LPCAT2: variants seen among roughly 807,000 people sequenced by gnomAD.
LPCAT2 encodes 1-AGP acyltransferase 11.
LPCAT2 carries 58 observed loss-of-function variants against 64.7 expected under a neutral mutation model. That is an observed-to-expected ratio of 0.90 (90% CI 0.73 to 1.12). The LOEUF (loss-of-function observed/expected upper bound fraction) is 1.12, where lower values mean the gene tolerates loss of function less well. LPCAT2 is among the 50% of genes most tolerant of loss of function. LPCAT2 has a pLI of 0.00. For synonymous variants in LPCAT2, 252 were observed against 245.3 expected, an observed-to-expected ratio of 1.03 and a Z score of -0.26; for missense variants, 579 against 669.8, an observed-to-expected ratio of 0.86 and a Z score of 1.50.
At chr16:55,550,390 T>G (rs1963502659) in intron 10 of LPCAT2, among the ~76,000 whole-genome samples, 1 of 152,208 alleles carries the variant, frequency 6.6e-6, no homozygotes, top group African/African-American at 2.4e-5. Context: ...TTTTGTGAAA[T>G]ATGAATTCAT....
At chr16:55,514,182 G>C (rs567470972) in intron 1 of LPCAT2, among the ~76,000 whole-genome samples, 2 of 152,300 alleles carry the variant, frequency 1.3e-5, no homozygotes, top group South Asian at 4.1e-4. Context: ...GACTTTAAAA[G>C]CTTTGACATA....
chr16:55,516,476 AACAGT>A (rs548530242), intron 1 of LPCAT2, among the ~76,000 whole-genome samples: 125 of 152,346 alleles, frequency 8.2e-4, no homozygotes, highest in African/African-American at 2.8e-3. Context: ...ATACCATGCA[AACAGT>A]AGCCAGGAGA....
At chr16:55,577,983 C>A (rs1963846667) in intron 12 of LPCAT2, among the ~76,000 whole-genome samples, 2 of 152,272 alleles carry the variant, frequency 1.3e-5, no homozygotes, top group South Asian at 4.1e-4. Flanking sequence ...GGTTTTGCTT[C>A]TTGCTAGGCC....
intron 11 of LPCAT2, among the ~76,000 whole-genome samples, chr16:55,572,967 C>T (rs1333922440): frequency 6.6e-6 from 1 of 152,102 alleles, no homozygotes; most frequent in Non-Finnish European, 1.5e-5. Context: ...AAAACAAAAA[C>T]AGCTCTCTGA....
chr16:55,514,383 A>G (rs756477364), intron 1 of LPCAT2, among the ~76,000 whole-genome samples: 1 of 152,208 alleles, frequency 6.6e-6, no homozygotes, highest in African/African-American at 2.4e-5. Context: ...GATGTACCCC[A>G]ACATGTACAC....
chr16:55,561,154 A>G (rs574421128), intron 11 of LPCAT2, among the ~76,000 whole-genome samples: 1 of 152,070 alleles, frequency 6.6e-6, no homozygotes, highest in African/African-American at 2.4e-5. Context: ...ATCAGTCATC[A>G]TTTTATTGCC....
chr16:55,514,203 T>C (rs1962974443), intron 1 of LPCAT2, among the ~76,000 whole-genome samples: 1 of 152,092 alleles, frequency 6.6e-6, no homozygotes, highest in Non-Finnish European at 1.5e-5. Context: ...TTCCTAGGAA[T>C]CTAGAAGGCT....
At chr16:55,575,176 G>A (rs909048563) in intron 12 of LPCAT2, among the ~76,000 whole-genome samples, 8 of 152,050 alleles carry the variant, frequency 5.3e-5, no homozygotes, top group African/African-American at 1.4e-4. Flanking sequence ...GCATTGTGGC[G>A]TCAGGTGAAC....
At chr16:55,542,748 T>C (rs1376043235) in intron 8 of LPCAT2, among the ~76,000 whole-genome samples, 1 of 152,276 alleles carries the variant, frequency 6.6e-6, no homozygotes, top group African/African-American at 2.4e-5. Flanking sequence ...TCATGGTCTA[T>C]GCAAGACCAG....
rs1349565781 is a variant in LPCAT2 at position 55,585,165 on chromosome 16, C to A, written c.*2067C>A. On this transcript the variant is annotated 3_prime_UTR_variant, in exon 14 of 14. Coordinates refer to ENST00000262134, the MANE Select transcript of LPCAT2 (RefSeq NM_017839.5). ...TGTTACTGAATAAACAAACTTGCTA[C>A]ATAAAATTCTTAGCAATTAAAAAAA... is the stretch of plus-strand genomic sequence containing the variant. 6.6e-6 allele frequency: 1 copy of A among 152,116 alleles called. No homozygotes were observed. The highest frequency in any genetic ancestry group is 1.5e-5 in the Non-Finnish European group (1 of 68,002). 9.4% of individuals were successfully genotyped at this position (152,116 alleles called of 1,614,324 possible). A position where few individuals can be genotyped will look rare whatever the true frequency, so the allele number is the denominator to read the frequency against.
chr16:55,509,363 TGGGTCTGAGGGGAGAGGTGGTC>T lies in LPCAT2; in HGVS notation c.171+12_171+33del. 1.6e-6 allele frequency: 2 copies of T among 1,288,496 alleles called. No homozygotes were observed. The highest frequency in any genetic ancestry group is 2.0e-6 in the Non-Finnish European group (2 of 1,013,554). The allele number at this position is 1,288,496 out of a possible 1,614,324, so 79.8% of individuals were successfully genotyped here. A position where few individuals can be genotyped will look rare whatever the true frequency, so the allele number is the denominator to read the frequency against. ...GCGAGGCGGGTCCAGGTGAGGGGCG[TGGGTCTGAGGGGAGAGGTGGTC>T]TGAGGGGGGCCTAGGTCAGAGGGGG... On this transcript the variant is annotated intron_variant, in intron 1 of 13. Transcript: ENST00000262134.
chr16:55,579,018 A>G (rs1170542874), intron 12 of LPCAT2, 91 bp from the exon 13 acceptor site: 1 of 1,166,736 alleles, frequency 8.6e-7, no homozygotes, highest in Non-Finnish European at 1.2e-6. Flanking sequence ...GCCACAGTAG[A>G]TGTTTGAATT....
chr16:55,509,149 T>A lies in LPCAT2; in HGVS notation c.-33T>A. On this transcript the variant is annotated 5_prime_UTR_variant, in exon 1 of 14. Transcript: ENST00000262134. ...GTTTTGGCTGCAGCGCCCGCGTAGATCGCTTCGGCCGGGTTCTACGCCCGG... is the reference window on the plus strand; with the variant it reads ...GTTTTGGCTGCAGCGCCCGCGTAGAACGCTTCGGCCGGGTTCTACGCCCGG... The A allele has an allele frequency of 7.7e-7, 1 of 1,305,590 alleles. No individual in the cohort carries two copies. The highest frequency in any genetic ancestry group is 2.2e-5 in the South Asian group (1 of 46,450). 80.9% of individuals were successfully genotyped at this position (1,305,590 alleles called of 1,614,324 possible).
intron 1 of LPCAT2, among the ~76,000 whole-genome samples, chr16:55,512,508 T>G (rs1028603536): frequency 1.3e-5 from 2 of 152,160 alleles, no homozygotes; most frequent in Non-Finnish European, 2.9e-5. Flanking sequence ...CCTTATTGAT[T>G]GACATGATAT....
chr16:55,549,482 T>C, intron 10 of LPCAT2, 80 bp downstream of exon 10: 2 of 1,312,196 alleles, frequency 1.5e-6, no homozygotes, highest in South Asian at 1.5e-5. Context: ...TCTCCTGCTT[T>C]ATTAATGCTC....
chr16:55,527,188 T>A (rs1359874973), intron 2 of LPCAT2, among the ~76,000 whole-genome samples: 1 of 152,112 alleles, frequency 6.6e-6, no homozygotes, highest in African/African-American at 2.4e-5. Context: ...TGCTAATAGC[T>A]CCTCAGTATA....
At chr16:55,529,628 A>G (rs1267164046) in intron 3 of LPCAT2, among the ~76,000 whole-genome samples, 1 of 152,208 alleles carries the variant, frequency 6.6e-6, no homozygotes. Context: ...TTTGCTGCTT[A>G]GTTCTGTTAA....
chr16:55,563,455 C>T (rs1370623081), intron 11 of LPCAT2, among the ~76,000 whole-genome samples: 1 of 151,822 alleles, frequency 6.6e-6, no homozygotes, highest in Non-Finnish European at 1.5e-5. Context: ...ATGCAAAAAT[C>T]AACAAAATAC....
intron 8 of LPCAT2, chr16:55,541,412 G>A (rs1020006370): frequency 1.3e-5 from 2 of 152,244 alleles, no homozygotes; most frequent in Non-Finnish European, 2.9e-5. Context: ...ATTACTTAGG[G>A]AAGATTCAAA....
Sources: allele counts gnomAD v4.1 joint callset (sites outside exome capture counted in the v4.1 genomes callset), GRCh38; gene constraint gnomAD v4.1.1; transcripts MANE v1.5; gene names NCBI Gene and HGNC (gene_info 2026-07-23, HGNC 2026-07-21).